The following SRPK2 variants were observed in gnomAD, a reference collection of about 807,000 sequenced individuals.
SRPK2 encodes the protein SRSF protein kinase 2.
Under a neutral mutation model 90.8 loss-of-function variants are expected in SRPK2, and 21 were observed. The observed-to-expected ratio is 0.23, with a 90% CI of 0.16 to 0.33. The LOEUF is 0.33. SRPK2 is among the 10% of genes least tolerant of loss of function. The pLI is 1.00. For missense variants in SRPK2, 620 were observed against 869.0 expected (o/e 0.71, Z 3.60); for synonymous variants, 288 against 311.1 (o/e 0.93, Z 0.78).
chr7:105,289,222 C>T (rs950300511), intron 2 of SRPK2, among the ~76,000 whole-genome samples: 44 of 151,054 alleles, frequency 2.9e-4, no homozygotes, highest in Non-Finnish European at 5.6e-4. Context: ...TGCAGTGAGC[C>T]GAGATGGCGC....
At chr7:105,159,463 A>AAAC (rs944230531) in intron 7 of SRPK2, among the ~76,000 whole-genome samples, 6 of 146,514 alleles carry the variant, frequency 4.1e-5, no homozygotes, top group African/African-American at 1.5e-4. Flanking sequence ...AAAAAAAAAA[A>AAAC]AAAAAAAAAA....
intron 2 of SRPK2, among the ~76,000 whole-genome samples, chr7:105,297,834 T>C (rs1234794011): frequency 6.7e-6 from 1 of 150,098 alleles, no homozygotes; most frequent in Non-Finnish European, 1.5e-5. Context: ...CTCCACCTCC[T>C]GGGTTCAAGC....
In SRPK2 at chr7:105,262,990, A is replaced by G. The variant is rs566876979; in HGVS notation, c.72-59205T>C. The stretch of plus-strand genomic sequence containing the variant: ...AACTGCACTCCTAGGAATATATTAA[A>G]CAAATGCATGCAAGCTTCATTAACC... On this transcript the variant is annotated intron_variant, in intron 2 of 15. Coordinates refer to ENST00000393651, the MANE Select transcript of SRPK2 (RefSeq NM_182692.3). Among the ~76,000 whole-genome samples the G allele has an allele frequency of 6.6e-5, 10 of 152,338 alleles. No individual in the cohort carries two copies. In the South Asian group the frequency reaches 2.1e-3, roughly 32 times the overall value.
At chr7:105,197,530 C>CA (rs1287764990) in intron 3 of SRPK2, among the ~76,000 whole-genome samples, 1 of 152,190 alleles carries the variant, frequency 6.6e-6, no homozygotes, top group East Asian at 1.9e-4. Flanking sequence ...CCCGTACTTG[C>CA]AACCCAACAC....
intron 2 of SRPK2, among the ~76,000 whole-genome samples, chr7:105,352,810 A>T (rs1180097806): frequency 6.6e-6 from 1 of 152,154 alleles, no homozygotes; most frequent in African/African-American, 2.4e-5. Flanking sequence ...CTGAGGCAGG[A>T]GAATTGCTTG....
intron 3 of SRPK2, among the ~76,000 whole-genome samples, chr7:105,200,067 T>G (rs907581133): frequency 6.6e-6 from 1 of 152,120 alleles, no homozygotes; most frequent in African/African-American, 2.4e-5. Context: ...TTTGGGAGGC[T>G]GAGGCAGGAG....
intron 9 of SRPK2, among the ~76,000 whole-genome samples, chr7:105,144,563 G>C (rs1238328430): frequency 6.6e-6 from 1 of 152,000 alleles, no homozygotes; most frequent in Non-Finnish European, 1.5e-5. Flanking sequence ...ATAGTGTTTT[G>C]ACAGGACCAC....
chr7:105,228,597 T>A (rs1799017619), intron 2 of SRPK2, among the ~76,000 whole-genome samples: 1 of 152,102 alleles, frequency 6.6e-6, no homozygotes, highest in South Asian at 2.1e-4. Context: ...CACACCACCG[T>A]CCGCAGACAG....
chr7:105,118,125 C>A, intron 15 of SRPK2, 103 bp from the exon 16 acceptor site: 1 of 1,150,384 alleles, frequency 8.7e-7, no homozygotes, highest in South Asian at 1.5e-5. Flanking sequence ...ACCACCTGCT[C>A]AACACTTGTA....
At chr7:105,357,036 A>G (rs974396355) in intron 2 of SRPK2, among the ~76,000 whole-genome samples, 2 of 151,146 alleles carry the variant, frequency 1.3e-5, no homozygotes, top group Admixed American at 6.6e-5. Context: ...GGTAAACACT[A>G]ATTTTTTTTT....
chr7:105,159,466 A>AAAAAAAACAAAAAAAAAAC (rs1554428675), intron 7 of SRPK2, among the ~76,000 whole-genome samples: 1 of 114,230 alleles, frequency 8.8e-6, no homozygotes, highest in African/African-American at 3.1e-5. Context: ...AAAAAAAAAA[A>AAAAAAAACAAAAAAAAAAC]AAAAAAACCG....
intron 2 of SRPK2, among the ~76,000 whole-genome samples, chr7:105,290,807 G>A (rs1808870488): frequency 6.6e-6 from 1 of 151,774 alleles, no homozygotes. Context: ...GGGAGGCCGA[G>A]GCGGGTGGAT....
intron 2 of SRPK2, among the ~76,000 whole-genome samples, chr7:105,248,525 G>A (rs557122634): frequency 3.4e-4 from 52 of 151,644 alleles, no homozygotes; most frequent in Admixed American, 3.3e-3. Context: ...AATCATTTGA[G>A]CTCCAGGGTT....
At chr7:105,157,823 T>C (rs954453728) in intron 7 of SRPK2, among the ~76,000 whole-genome samples, 2 of 152,124 alleles carry the variant, frequency 1.3e-5, no homozygotes, top group Non-Finnish European at 2.9e-5. Flanking sequence ...CTAGCAACTT[T>C]GGGAGGCTGA....
intron 7 of SRPK2, among the ~76,000 whole-genome samples, chr7:105,155,210 G>A (rs909145415): frequency 6.6e-6 from 1 of 151,334 alleles, no homozygotes; most frequent in Non-Finnish European, 1.5e-5. Flanking sequence ...TTGAACTCCT[G>A]ACTTCAGGTG....
chr7:105,359,048 C>T (rs1218091389), intron 2 of SRPK2, among the ~76,000 whole-genome samples: 1 of 151,868 alleles, frequency 6.6e-6, no homozygotes, highest in Non-Finnish European at 1.5e-5. Context: ...CAAGAGGGAT[C>T]CACCCCCTAC....
chr7:105,244,547 C>T (rs1472964015), intron 2 of SRPK2: 2 of 553,950 alleles, frequency 3.6e-6, no homozygotes, highest in Non-Finnish European at 6.5e-6. Flanking sequence ...GCACTCCCGC[C>T]TGGGCGACAG....
intron 3 of SRPK2, among the ~76,000 whole-genome samples, chr7:105,190,117 A>T (rs1242913492): frequency 6.6e-6 from 1 of 152,180 alleles, no homozygotes; most frequent in African/African-American, 2.4e-5. Context: ...ATCACAACAG[A>T]TCACACATGG....
intron 2 of SRPK2, among the ~76,000 whole-genome samples, chr7:105,328,167 A>G (rs1422881021): frequency 6.6e-6 from 1 of 152,196 alleles, no homozygotes; most frequent in Non-Finnish European, 1.5e-5. Context: ...GCTCACTCCA[A>G]TCAAAATCCC....
Sources: gnomAD v4.1 joint callset for allele counts (sites outside exome capture counted in the v4.1 genomes callset) on GRCh38, gnomAD v4.1.1 for gene constraint, MANE v1.5 for transcripts, NCBI Gene and HGNC (gene_info 2026-07-23, HGNC 2026-07-21) for gene names.